Variants in NBEA observed in about 807,000 individuals in gnomAD.
The protein encoded by NBEA is lysosomal-trafficking regulator 2.
A neutral mutation model predicts 343.4 loss-of-function variants in NBEA; 44 were observed. That is an observed-to-expected ratio of 0.13 (90% CI 0.10 to 0.16). The LOEUF (loss-of-function observed/expected upper bound fraction) is 0.16, where lower values mean the gene tolerates loss of function less well. NBEA is among the 10% of genes least tolerant of loss of function. The pLI, the probability that NBEA is intolerant of heterozygous loss-of-function variation, is 1.00. For missense variants in NBEA, 2,555 were observed against 3,631.3 expected (o/e 0.70, Z 7.62); for synonymous variants, 1,175 against 1,238.7 (o/e 0.95, Z 1.08).
At chr13:35,308,427 A>G (rs1439484860) in intron 35 of NBEA, among the ~76,000 whole-genome samples, 1 of 125,232 alleles carries the variant, frequency 8.0e-6, no homozygotes, top group African/African-American at 2.9e-5. Flanking sequence ...AATCCAAAAC[A>G]CTGCTATTTA....
intron 1 of NBEA, among the ~76,000 whole-genome samples, chr13:34,990,445 C>G (rs2060711514): frequency 6.6e-6 from 1 of 151,176 alleles, no homozygotes; most frequent in South Asian, 2.1e-4. Context: ...CAGCTTGCAC[C>G]ATCTGGAGCA....
chr13:35,257,597 A>AT (rs2032761721), intron 34 of NBEA, among the ~76,000 whole-genome samples: 2 of 152,214 alleles, frequency 1.3e-5, no homozygotes, highest in South Asian at 4.1e-4. Flanking sequence ...ATGGTATGAC[A>AT]TGAAGAAAAT....
intron 34 of NBEA, among the ~76,000 whole-genome samples, chr13:35,264,847 C>G (rs147649813): frequency 6.6e-6 from 1 of 151,888 alleles, no homozygotes; most frequent in East Asian, 1.9e-4. Context: ...AGTAAACTCA[C>G]TCTCTTCACT....
At position 35,159,702 on chromosome 13, in the gene NBEA, T is replaced by A; in HGVS notation, c.3531T>A (p.His1177Gln). 1 of 1,613,048 alleles carries A rather than the reference T, an allele frequency of 6.2e-7. No individual in the cohort carries two copies. Among genetic ancestry groups the A allele is most frequent in the Non-Finnish European group, 8.5e-7 (1 of 1,179,520 alleles). ...IIPNIQDTQV[H>Q]LGVSDDLGLL... ...CAAATATTCAGGACACACAAGTACA[T>A]CTTGGTGTTAGTGATGATCTTGGAT... Residue 1177 changes from histidine to glutamine, a missense_variant, in exon 22 of 59, where the codon CAT (histidine) becomes CAA (glutamine). Transcript: ENST00000379939.
At position 35,070,708 on chromosome 13, in the gene NBEA, T is replaced by A; in HGVS notation, c.1438-11T>A. 3 of 1,567,478 alleles carry A rather than the reference T, an allele frequency of 1.9e-6. No homozygotes were observed. Among genetic ancestry groups the A allele is most frequent in the Non-Finnish European group, 2.6e-6 (3 of 1,148,866 alleles). On this transcript the variant is annotated splice_polypyrimidine_tract_variant and intron_variant, in intron 9 of 58. Coordinates refer to ENST00000379939, the MANE Select transcript of NBEA (RefSeq NM_001385012.1). ...TAGAAGTTTAATAAACATTTTTGTT[T>A]TTGGACATAGGATGTGAAAGCGATA...
At chr13:35,531,118 T>G (rs1247081852) in intron 41 of NBEA, among the ~76,000 whole-genome samples, 1 of 152,184 alleles carries the variant, frequency 6.6e-6, no homozygotes, top group African/African-American at 2.4e-5. Flanking sequence ...GGAGTGCATT[T>G]GAAACATACA....
chr13:35,596,487 G>A (rs1332801134), intron 47 of NBEA, among the ~76,000 whole-genome samples: 1 of 152,072 alleles, frequency 6.6e-6, no homozygotes, highest in African/African-American at 2.4e-5. Context: ...GCAGTAGATG[G>A]TTTTATTCTG....
intron 56 of NBEA, 130 bp downstream of exon 56, chr13:35,665,316 G>A: frequency 3.0e-6 from 2 of 666,648 alleles, no homozygotes; most frequent in East Asian, 2.8e-5. Flanking sequence ...ATTTGTAGAT[G>A]TTTAGTTTTA....
At chr13:35,077,367 A>G (rs1476176578) in intron 10 of NBEA, among the ~76,000 whole-genome samples, 1 of 152,050 alleles carries the variant, frequency 6.6e-6, no homozygotes, top group Non-Finnish European at 1.5e-5. Context: ...CTTCTCATCT[A>G]CCCAATTTCT....
intron 49 of NBEA, among the ~76,000 whole-genome samples, chr13:35,640,210 G>A (rs189490445): frequency 6.6e-6 from 1 of 152,230 alleles, no homozygotes; most frequent in East Asian, 1.9e-4. Context: ...CCTTTTCTGA[G>A]GATTCAATTC....
chr13:35,426,845 C>A (rs759603139), intron 38 of NBEA, among the ~76,000 whole-genome samples: 37 of 152,248 alleles, frequency 2.4e-4, no homozygotes, highest in African/African-American at 7.7e-4. Context: ...TTGTTCGTTT[C>A]TTTTTATTCT....
intron 34 of NBEA, among the ~76,000 whole-genome samples, chr13:35,288,760 A>G (rs1216721478): frequency 6.6e-6 from 1 of 151,970 alleles, no homozygotes; most frequent in African/African-American, 2.4e-5. Flanking sequence ...CTTTATATCA[A>G]AGCCTTATTG....
At chr13:35,244,490 A>G (rs746553621) in intron 34 of NBEA, among the ~76,000 whole-genome samples, 8 of 152,010 alleles carry the variant, frequency 5.3e-5, no homozygotes, top group Non-Finnish European at 8.8e-5. Context: ...TTTTTATACC[A>G]GTACCATGCT....
At chr13:35,614,310 T>TA (rs992986969) in intron 48 of NBEA, among the ~76,000 whole-genome samples, 4 of 152,204 alleles carry the variant, frequency 2.6e-5, no homozygotes, top group African/African-American at 4.8e-5. Context: ...ATTTTTTACT[T>TA]AAAAAAGTCA....
Position 35,432,256 on chromosome 13 carries a change from C to T in NBEA, c.6180-13C>T, listed in dbSNP as rs1415760739. 10 of 1,578,072 alleles carry T rather than the reference C, an allele frequency of 6.3e-6. No homozygotes were observed. The highest frequency in any genetic ancestry group is 5.4e-5 in the Admixed American group (3 of 55,108). ...TTATTAATAGGGATTACTTTTTTTCCCTCTACTCTTAGCCAATTGCATGAT... is the reference window on the plus strand; with the variant it reads ...TTATTAATAGGGATTACTTTTTTTCTCTCTACTCTTAGCCAATTGCATGAT... On this transcript the variant is annotated splice_polypyrimidine_tract_variant and intron_variant, in intron 38 of 58. Transcript: ENST00000379939.
At chr13:34,992,169 AATGTGTGTGTAT>A (rs964906802) in intron 1 of NBEA, among the ~76,000 whole-genome samples, 3 of 147,118 alleles carry the variant, frequency 2.0e-5, no homozygotes, top group Non-Finnish European at 3.0e-5. Context: ...GTGTTTGAAA[AATGTGTGTGTAT>A]ATGTGTGTGT....
At chr13:35,145,034 TAG>T (rs1167152578) in intron 18 of NBEA, among the ~76,000 whole-genome samples, 1 of 152,222 alleles carries the variant, frequency 6.6e-6, no homozygotes, top group African/African-American at 2.4e-5. Context: ...GGTAGCCTGT[TAG>T]TAAATCTTTT....
At chr13:35,641,054 A>G (rs889736634) in intron 49 of NBEA, among the ~76,000 whole-genome samples, 5 of 152,074 alleles carry the variant, frequency 3.3e-5, no homozygotes. Context: ...CTTAATTTTC[A>G]TTTCTACTTT....
intron 41 of NBEA, among the ~76,000 whole-genome samples, chr13:35,513,077 A>G (rs1487968370): frequency 1.3e-5 from 2 of 151,932 alleles, no homozygotes; most frequent in Non-Finnish European, 2.9e-5. Context: ...ATAATTGTGC[A>G]ATTATTCCTG....
Sources: gnomAD v4.1 joint callset for allele counts (sites outside exome capture counted in the v4.1 genomes callset) on GRCh38, gnomAD v4.1.1 for gene constraint, MANE v1.5 for transcripts, NCBI Gene and HGNC (gene_info 2026-07-23, HGNC 2026-07-21) for gene names.